HECW1: variants seen among roughly 807,000 people sequenced by gnomAD.
The protein encoded by HECW1 is HECT, C2 and WW domain containing E3 ubiquitin protein ligase 1.
A neutral mutation model predicts 182.3 loss-of-function variants in HECW1; 61 were observed. The ratio of observed to expected loss-of-function variants is 0.33; its 90% CI spans 0.27 to 0.41. The LOEUF (loss-of-function observed/expected upper bound fraction) is 0.41. Ranked by LOEUF, HECW1 falls within the 10% of genes least tolerant of loss-of-function variation. The probability of loss-of-function intolerance (pLI) is 1.00; values close to 1 mark genes in which losing one functional copy is unlikely to be tolerated. For missense variants in HECW1, 1,739 were observed against 2,108.9 expected (o/e 0.82, Z 3.44); for synonymous variants, 859 against 832.6 (o/e 1.03, Z -0.55).
intron 2 of HECW1, among the ~76,000 whole-genome samples, chr7:43,152,132 T>G (rs1324450632): frequency 1.3e-5 from 2 of 152,194 alleles, no homozygotes; most frequent in Non-Finnish European, 2.9e-5. Context: ...AGTATTTGTA[T>G]AGCTACAAAT....
At chr7:43,285,518 A>G (rs892942019) in intron 3 of HECW1, among the ~76,000 whole-genome samples, 1 of 152,226 alleles carries the variant, frequency 6.6e-6, no homozygotes, top group Non-Finnish European at 1.5e-5. Context: ...ACCCAAAGTC[A>G]TAAAAAATAA....
Position 43,549,639 on chromosome 7 carries a change from G to A in HECW1, c.4249-806G>A, listed in dbSNP as rs377009531. ...TAGCCTTCCCTGATGACTCAAGCATGTCCTAACAAACAGGCATCATCACAC... is the reference window on the plus strand; with the variant it reads ...TAGCCTTCCCTGATGACTCAAGCATATCCTAACAAACAGGCATCATCACAC... On this transcript the variant is annotated intron_variant, in intron 26 of 29. Transcript: ENST00000395891. Among the ~76,000 whole-genome samples, 153 of 152,196 alleles carry A rather than the reference G, an allele frequency of 1.0e-3. 1 individual carries two copies. Among genetic ancestry groups the A allele is most frequent in the African/African-American group, 3.3e-3 (138 of 41,444 alleles).
At chr7:43,504,268 T>TA (rs1286097897) in intron 21 of HECW1, among the ~76,000 whole-genome samples, 6 of 152,186 alleles carry the variant, frequency 3.9e-5, no homozygotes, top group Admixed American at 3.3e-4. Context: ...CTCAACCACT[T>TA]ACTCCCAAAA....
intron 29 of HECW1, among the ~76,000 whole-genome samples, chr7:43,559,893 T>C (rs2082154257): frequency 6.6e-6 from 1 of 152,202 alleles, no homozygotes; most frequent in Non-Finnish European, 1.5e-5. Flanking sequence ...TAAAAGCAAC[T>C]AGTAAGTAAA....
chr7:43,234,111 A>G (rs1798104575), intron 2 of HECW1, among the ~76,000 whole-genome samples: 1 of 152,188 alleles, frequency 6.6e-6, no homozygotes, highest in Non-Finnish European at 1.5e-5. Context: ...TTTACAAATT[A>G]CATGCAATAC....
chr7:43,319,665 T>A (rs1160667653), intron 4 of HECW1, among the ~76,000 whole-genome samples: 2 of 136,446 alleles, frequency 1.5e-5, no homozygotes, highest in Non-Finnish European at 1.5e-5. Context: ...CTGGATATGA[T>A]CTTGGTTCAC....
At chr7:43,184,003 C>CT (rs141037967) in intron 2 of HECW1, among the ~76,000 whole-genome samples, 1 of 151,664 alleles carries the variant, frequency 6.6e-6, no homozygotes, top group Admixed American at 6.6e-5. Flanking sequence ...TTTGCCAATT[C>CT]TTTTATTATT....
chr7:43,317,043 C>T (rs1809406362), intron 4 of HECW1, among the ~76,000 whole-genome samples: 3 of 151,842 alleles, frequency 2.0e-5, no homozygotes, highest in African/African-American at 7.3e-5. Flanking sequence ...TCATTCACTA[C>T]AAAATAGGGA....
At chr7:43,284,999 T>A (rs562139789) in intron 3 of HECW1, among the ~76,000 whole-genome samples, 3 of 36,576 alleles carry the variant, frequency 8.2e-5, no homozygotes, top group East Asian at 7.2e-4. Flanking sequence ...TCTGTATGGA[T>A]TTTTTTTTTT....
intron 2 of HECW1, among the ~76,000 whole-genome samples, chr7:43,116,778 G>A (rs1159383763): frequency 6.6e-6 from 1 of 152,198 alleles, no homozygotes; most frequent in Non-Finnish European, 1.5e-5. Context: ...GAAATGCTCT[G>A]TGGGGTTTTC....
Position 43,444,156 on chromosome 7 carries a change from G to T in HECW1, c.1046-62G>T. The T allele has an allele frequency of 6.7e-7, 1 of 1,489,944 alleles. No homozygotes were observed. The highest frequency in any genetic ancestry group is 9.1e-7 in the Non-Finnish European group (1 of 1,098,632). The allele number at this position is 1,489,944 out of a possible 1,614,324, so 92.3% of individuals were successfully genotyped here. ...AGTGATGGCTTACATGTCCCACAGGGTATCCTAACACCACAATGCTCTCTT... is the reference window on the plus strand; with the variant it reads ...AGTGATGGCTTACATGTCCCACAGGTTATCCTAACACCACAATGCTCTCTT... On this transcript the variant is annotated intron_variant, in intron 10 of 29. Coordinates refer to ENST00000395891, the MANE Select transcript of HECW1 (RefSeq NM_015052.5). The surrounding 1 kb of genome is among the most constrained non-coding windows in gnomAD (Gnocchi z 4.3).
intron 2 of HECW1, among the ~76,000 whole-genome samples, chr7:43,240,215 G>A (rs978808682): frequency 4.6e-5 from 7 of 152,114 alleles, no homozygotes; most frequent in Non-Finnish European, 1.0e-4. Context: ...GTGGGCGCTT[G>A]TAGTCCTAGC....
At chr7:43,325,703 G>A (rs1810668274) in intron 5 of HECW1, among the ~76,000 whole-genome samples, 1 of 152,018 alleles carries the variant, frequency 6.6e-6, no homozygotes, top group South Asian at 2.1e-4. Flanking sequence ...TTCAACCTCC[G>A]TGCCTTGCCC....
At chr7:43,366,926 G>A (rs1216340523) in intron 6 of HECW1, among the ~76,000 whole-genome samples, 2 of 152,152 alleles carry the variant, frequency 1.3e-5, no homozygotes, top group Non-Finnish European at 2.9e-5. Context: ...ACAGACCTCA[G>A]AACCACAGGA....
At chr7:43,141,642 G>GGCAT (rs1309540500) in intron 2 of HECW1, among the ~76,000 whole-genome samples, 1 of 152,014 alleles carries the variant, frequency 6.6e-6, no homozygotes, top group Non-Finnish European at 1.5e-5. Context: ...TGGGATTACA[G>GGCAT]GCATGCACCA....
chr7:43,162,891 A>G (rs1455361085), intron 2 of HECW1: 3 of 152,218 alleles, frequency 2.0e-5, no homozygotes, highest in Admixed American at 1.3e-4. Flanking sequence ...CAACAACTCT[A>G]TAAAGAGGCA....
At chr7:43,468,770 A>C in intron 15 of HECW1, 150 bp from the exon 16 acceptor site, 6 of 648,942 alleles carry the variant, frequency 9.2e-6, no homozygotes, top group Non-Finnish European at 1.6e-5. Flanking sequence ...TTCTTGAGCA[A>C]GAGCTCATTT....
chr7:43,389,255 C>T (rs1164617724), intron 6 of HECW1, among the ~76,000 whole-genome samples: 2 of 152,224 alleles, frequency 1.3e-5, no homozygotes, highest in Non-Finnish European at 2.9e-5. Context: ...CCACCGCCAG[C>T]GTCAGCGTCA....
At chr7:43,495,515 G>T (rs1367731951) in intron 19 of HECW1, among the ~76,000 whole-genome samples, 3 of 152,110 alleles carry the variant, frequency 2.0e-5, no homozygotes, top group Non-Finnish European at 4.4e-5. Flanking sequence ...AGCACTCTAA[G>T]CTCTTTAGAG....
Sources: gnomAD v4.1 joint callset for allele counts (sites outside exome capture counted in the v4.1 genomes callset) on GRCh38, gnomAD v4.1.1 for gene constraint, Gnocchi (gnomAD v3.1) non-coding constraint, MANE v1.5 for transcripts, NCBI Gene and HGNC (gene_info 2026-07-23, HGNC 2026-07-21) for gene names.